Variants in TTLL5 observed in about 807,000 individuals in gnomAD.
The protein encoded by TTLL5 is tubulin tyrosine ligase like 5, also known as tubulin polyglutamylase TTLL5.
TTLL5 carries 132 observed loss-of-function variants against 168.4 expected under a neutral mutation model. That is an observed-to-expected ratio of 0.78 (90% CI 0.68 to 0.91). The LOEUF is 0.91. Among genes scored for constraint, TTLL5 ranks in the 40% least tolerant of loss-of-function variants. The probability of loss-of-function intolerance (pLI) is 0.00; values close to 1 mark genes in which losing one functional copy is unlikely to be tolerated. For missense variants in TTLL5, 1,545 were observed against 1,581.5 expected, an observed-to-expected ratio of 0.98 and a Z score of 0.39; for synonymous variants, 546 against 558.6, an observed-to-expected ratio of 0.98 and a Z score of 0.32.
intron 29 of TTLL5, among the ~76,000 whole-genome samples, chr14:75,872,726 G>A (rs930719900): frequency 2.0e-5 from 3 of 151,812 alleles, no homozygotes; most frequent in Admixed American, 6.6e-5. Flanking sequence ...CCTGACCACC[G>A]TGGAGAAACC....
At chr14:75,887,173 G>A in intron 30 of TTLL5, 2 of 1,011,528 alleles carry the variant, frequency 2.0e-6, no homozygotes, top group Non-Finnish European at 2.4e-6. Flanking sequence ...AAGCCATCAG[G>A]ACTGGGTAGC....
chr14:75,767,716 C>T (rs776254704), intron 20 of TTLL5, among the ~76,000 whole-genome samples: 2 of 152,080 alleles, frequency 1.3e-5, no homozygotes, highest in African/African-American at 2.4e-5. Context: ...ATAAATGATA[C>T]GGTGAGATCT....
intron 12 of TTLL5, among the ~76,000 whole-genome samples, chr14:75,724,295 T>A (rs185968524): frequency 1.3e-5 from 2 of 152,324 alleles, no homozygotes; most frequent in East Asian, 3.9e-4. Context: ...CCCATCCTAT[T>A]TATTTATACA....
chr14:75,703,106 G>A (rs1886399824), intron 7 of TTLL5, among the ~76,000 whole-genome samples: 2 of 152,190 alleles, frequency 1.3e-5, no homozygotes, highest in Admixed American at 1.3e-4. Flanking sequence ...CAAGGCTGCT[G>A]CCTGCTTTCC....
chr14:75,682,202 A>AT (rs199832426), intron 4 of TTLL5, among the ~76,000 whole-genome samples: 2,613 of 151,816 alleles, frequency 0.017, 101 homozygotes, highest in African/African-American at 0.06. Flanking sequence ...AAAAAAAAAA[A>AT]AAAACAAACC....
At chr14:75,888,031 G>A (rs1272974309) in intron 30 of TTLL5, among the ~76,000 whole-genome samples, 2 of 152,198 alleles carry the variant, frequency 1.3e-5, no homozygotes, top group Non-Finnish European at 2.9e-5. Flanking sequence ...CTGGAATACT[G>A]CAGACAATAA....
chr14:75,744,608 A>AGAACC, intron 15 of TTLL5: 1 of 152,710 alleles, frequency 6.5e-6, no homozygotes. Flanking sequence ...AACATTTCAC[A>AGAACC]GCCCAACTTT....
At chr14:75,686,903 G>A (rs1332392669) in intron 5 of TTLL5, among the ~76,000 whole-genome samples, 3 of 151,948 alleles carry the variant, frequency 2.0e-5, no homozygotes, top group African/African-American at 7.3e-5. Flanking sequence ...AACACACAGG[G>A]GTCCTAAAAT....
At position 75,766,261 on chromosome 14, in the gene TTLL5, A is replaced by G; in HGVS notation, c.1908A>G (p.Lys636=). 6.2e-7 allele frequency: 1 copy of G among 1,614,112 alleles called. No individual in the cohort carries two copies. The highest frequency in any genetic ancestry group is 8.5e-7 in the Non-Finnish European group (1 of 1,179,992). Residue 636 remains lysine (K), a synonymous_variant, in exon 20 of 32, where the codon AAA becomes AAG. Coordinates refer to ENST00000298832, the MANE Select transcript of TTLL5 (RefSeq NM_015072.5). ...ATACACCCAAAGAAAATTCCATGAA[A>G]GTTCGTGAATGGAATAATAAAGGTG... ...VENTPKENSM[K]VREWNNKGGH...
rs147228131 is a variant in TTLL5 at position 75,750,363 on chromosome 14, A to G, written c.1488-2530A>G. Among the ~76,000 whole-genome samples, 568 of 151,794 alleles carry G rather than the reference A, an allele frequency of 3.7e-3. 4 individuals carry two copies. Among genetic ancestry groups the G allele is most frequent in the African/African-American group, 0.013 (551 of 41,374 alleles). ...GGATACCTTCCAAGAGCCCCTGTGG[A>G]TGCCTGAAACTGTGGACAGTACCAA... On this transcript the variant is annotated intron_variant, in intron 17 of 31. Coordinates refer to ENST00000298832, the MANE Select transcript of TTLL5 (RefSeq NM_015072.5).
intron 26 of TTLL5, among the ~76,000 whole-genome samples, chr14:75,787,725 TA>T (rs1169259897): frequency 6.6e-6 from 1 of 152,236 alleles, no homozygotes; most frequent in Non-Finnish European, 1.5e-5. Flanking sequence ...GATATATTTA[TA>T]AAAATCTGTC....
At chr14:75,857,909 C>A (rs1229797735) in intron 28 of TTLL5, among the ~76,000 whole-genome samples, 2 of 152,112 alleles carry the variant, frequency 1.3e-5, no homozygotes, top group Middle Eastern at 3.4e-3. Flanking sequence ...CCTCGACCTC[C>A]CAAAGTGCTA....
intron 27 of TTLL5, among the ~76,000 whole-genome samples, chr14:75,795,663 A>G (rs577289964): frequency 1.6e-4 from 24 of 152,294 alleles, no homozygotes; most frequent in East Asian, 1.2e-3. Flanking sequence ...CTTATAAGTG[A>G]GAACATATGA....
intron 20 of TTLL5, among the ~76,000 whole-genome samples, chr14:75,767,874 A>G (rs1891058271): frequency 6.6e-6 from 1 of 152,182 alleles, no homozygotes; most frequent in Non-Finnish European, 1.5e-5. Context: ...AATGGGATGG[A>G]CTTAGTAAAA....
At chr14:75,698,739 C>T (rs1055754329) in intron 6 of TTLL5, among the ~76,000 whole-genome samples, 6 of 151,830 alleles carry the variant, frequency 4.0e-5, no homozygotes, top group African/African-American at 1.2e-4. Context: ...CCTGTCTCTA[C>T]AAAAAGTTAA....
rs1350354332 is a variant in TTLL5, at chr14:75,765,971, T to C, written c.1709-91T>C. On this transcript the variant is annotated intron_variant, in intron 19 of 31. Coordinates refer to ENST00000298832, the MANE Select transcript of TTLL5 (RefSeq NM_015072.5). The stretch of plus-strand genomic sequence containing the variant: ...CCTTGTTTGTGGTTTGGTTTAGAAA[T>C]GGGCTTTTACTAAAAAGAGAAAAGG... The C allele has an allele frequency of 1.0e-5, 12 of 1,172,954 alleles. No homozygotes were observed. In the Admixed American group the frequency reaches 2.9e-4, roughly 29 times the overall value. 72.7% of individuals were successfully genotyped at this position (1,172,954 alleles called of 1,614,324 possible).
chr14:75,754,366 A>G (rs1261290022), intron 18 of TTLL5, among the ~76,000 whole-genome samples: 2 of 152,156 alleles, frequency 1.3e-5, no homozygotes, highest in African/African-American at 4.8e-5. Context: ...TTTAACTTCT[A>G]TATATCTGCA....
intron 28 of TTLL5, among the ~76,000 whole-genome samples, chr14:75,826,061 T>C (rs556829468): frequency 6.6e-6 from 1 of 152,120 alleles, no homozygotes; most frequent in East Asian, 1.9e-4. Flanking sequence ...CTGTCAAAGA[T>C]AGCTGGCTGG....
At chr14:75,857,062 A>G (rs1206521810) in intron 28 of TTLL5, among the ~76,000 whole-genome samples, 1 of 152,202 alleles carries the variant, frequency 6.6e-6, no homozygotes, top group Non-Finnish European at 1.5e-5. Context: ...ATCTCTCTAA[A>G]GTTTATAAGG....
Sources: allele counts gnomAD v4.1 joint callset (sites outside exome capture counted in the v4.1 genomes callset), GRCh38; gene constraint gnomAD v4.1.1; transcripts MANE v1.5; gene names NCBI Gene and HGNC (gene_info 2026-07-23, HGNC 2026-07-21).